OSBPL3: variants seen among roughly 807,000 people sequenced by gnomAD.
OSBPL3 encodes oxysterol-binding protein-related protein 3.
OSBPL3 carries 65 observed loss-of-function variants against 120.1 expected under a neutral mutation model. The ratio of observed to expected loss-of-function variants is 0.54; its 90% CI spans 0.44 to 0.67. The LOEUF (loss-of-function observed/expected upper bound fraction) is 0.67. Among genes scored for constraint, OSBPL3 ranks in the 30% least tolerant of loss-of-function variants. The pLI, the probability that OSBPL3 is intolerant of heterozygous loss-of-function variation, is 0.00. For synonymous variants in OSBPL3, 416 were observed against 402.6 expected (o/e 1.03, Z -0.40); for missense variants, 1,004 against 1,082.1 (o/e 0.93, Z 1.01).
chr7:24,848,720 C>T (rs184299988), intron 12 of OSBPL3, among the ~76,000 whole-genome samples: 22 of 152,014 alleles, frequency 1.4e-4, no homozygotes, highest in East Asian at 3.9e-4. Context: ...GTCAGAGAAA[C>T]GTAGGTTTCT....
Position 24,894,048 on chromosome 7 carries a change from A to G in OSBPL3, c.-149-1427T>C, listed in dbSNP as rs1420843308. On this transcript the variant is annotated intron_variant, in intron 1 of 22. Coordinates refer to ENST00000313367, the MANE Select transcript of OSBPL3 (RefSeq NM_015550.4). This position sits in a 1 kb window ranked among gnomAD's most constrained non-coding sequence, Gnocchi z 4.1. ...ATGTTCACATAGTCTAATTATAAAA[A>G]GAAGAGTATCATATATTTGTCTAGG... is the stretch of plus-strand genomic sequence containing the variant. Among the ~76,000 whole-genome samples, 1 of 152,204 alleles carries G rather than the reference A, an allele frequency of 6.6e-6. No homozygotes were observed. Among genetic ancestry groups the G allele is most frequent in the Non-Finnish European group, 1.5e-5 (1 of 68,046 alleles).
chr7:24,893,845 C>G (rs1805729144), intron 1 of OSBPL3, among the ~76,000 whole-genome samples: 1 of 152,150 alleles, frequency 6.6e-6, no homozygotes, highest in South Asian at 2.1e-4. Context: ...CCTAGAATCA[C>G]TGGCTTCTCC....
Position 24,918,102 on chromosome 7 carries a change from T to A in OSBPL3, c.-149-25481A>T. Reference sequence around the variant, plus strand: ...TAATGACAAGCACAGGTGCTGTTTCTCAGTGTGTATCAGGCTCACAGCAGC... The same window carrying A: ...TAATGACAAGCACAGGTGCTGTTTCACAGTGTGTATCAGGCTCACAGCAGC... On this transcript the variant is annotated intron_variant, in intron 1 of 22. Transcript: ENST00000313367. The surrounding 1 kb of genome is among the most constrained non-coding windows in gnomAD (Gnocchi z 4.3). The A allele has an allele frequency of 1.0e-6, 1 of 984,084 alleles. No individual in the cohort carries two copies. The highest frequency in any genetic ancestry group is 1.2e-6 in the Non-Finnish European group (1 of 828,710). 61.0% of individuals were successfully genotyped at this position (984,084 alleles called of 1,614,324 possible). A position where few individuals can be genotyped will look rare whatever the true frequency, so the allele number is the denominator to read the frequency against.
At chr7:24,950,059 A>G (rs1563003110) in intron 1 of OSBPL3, among the ~76,000 whole-genome samples, 1 of 152,248 alleles carries the variant, frequency 6.6e-6, no homozygotes, top group Non-Finnish European at 1.5e-5. Flanking sequence ...AAATGCTATT[A>G]TAAATGATTA....
At chr7:24,949,337 G>C (rs1814111308) in intron 1 of OSBPL3, among the ~76,000 whole-genome samples, 1 of 152,066 alleles carries the variant, frequency 6.6e-6, no homozygotes, top group Non-Finnish European at 1.5e-5. Context: ...TCTGACATTG[G>C]GTGTGTCTCA....
intron 1 of OSBPL3, among the ~76,000 whole-genome samples, chr7:24,901,307 G>A (rs1334862289): frequency 6.6e-6 from 1 of 151,316 alleles, no homozygotes; most frequent in Non-Finnish European, 1.5e-5. Flanking sequence ...AGCCCAGATG[G>A]CGCCACTGTA....
rs549345272 is a variant in OSBPL3, at chr7:24,968,969, A to G, written c.-150+10917T>C. 6.6e-5 allele frequency among the ~76,000 whole-genome samples: 10 copies of G among 152,322 alleles called. No homozygotes were observed. The East Asian group carries it at 1.7e-3, about 26-fold the overall frequency. The stretch of plus-strand genomic sequence containing the variant: ...CAAATACTCCAAGAAACAATTTTGC[A>G]TATATATCATTTTGTGAATTTTGCA... On this transcript the variant is annotated intron_variant, in intron 1 of 22. Transcript: ENST00000313367. The surrounding 1 kb of genome is among the most constrained non-coding windows in gnomAD (Gnocchi z 4.6).
chr7:24,920,425 G>T (rs1810257269), intron 1 of OSBPL3, among the ~76,000 whole-genome samples: 1 of 152,120 alleles, frequency 6.6e-6, no homozygotes, highest in Non-Finnish European at 1.5e-5. Context: ...TATATAAAAT[G>T]TCCAGAATAA....
At position 24,898,240 on chromosome 7, in the gene OSBPL3, C is replaced by A. The variant is rs925708261; in HGVS notation, c.-149-5619G>T. Among the ~76,000 whole-genome samples the A allele has an allele frequency of 7.9e-5, 12 of 152,210 alleles. No individual in the cohort carries two copies. Among genetic ancestry groups the A allele is most frequent in the Non-Finnish European group, 1.6e-4 (11 of 68,034 alleles). ...AGTTTCTGGAAGCAGGTTCTAATCA[C>A]AACTTCAGATACCGATCGGTGATCC... On this transcript the variant is annotated intron_variant, in intron 1 of 22. Coordinates refer to ENST00000313367, the MANE Select transcript of OSBPL3 (RefSeq NM_015550.4). This position sits in a 1 kb window ranked among gnomAD's most constrained non-coding sequence, Gnocchi z 4.3.
chr7:24,923,889 C>G (rs748296647), intron 1 of OSBPL3, among the ~76,000 whole-genome samples: 1 of 152,182 alleles, frequency 6.6e-6, no homozygotes, highest in Non-Finnish European at 1.5e-5. Context: ...CCCTCTCTTA[C>G]CTGATCCAGT....
Position 24,936,708 on chromosome 7 carries a change from G to A in OSBPL3, c.-150+43178C>T, listed in dbSNP as rs1456283327. On this transcript the variant is annotated intron_variant, in intron 1 of 22. Transcript: ENST00000313367. This position sits in a 1 kb window ranked among gnomAD's most constrained non-coding sequence, Gnocchi z 4.2. ...TGAGGGCCTGCTGGAGAACAGGTAT[G>A]TAGAAGTTAGGGAAGATGTGAAGGG... 6.6e-6 allele frequency among the ~76,000 whole-genome samples: 1 copy of A among 152,198 alleles called. No homozygotes were observed. Among genetic ancestry groups the A allele is most frequent in the Non-Finnish European group, 1.5e-5 (1 of 68,032 alleles).
Position 24,872,740 on chromosome 7 carries a change from CA to C in OSBPL3, c.97-672del, listed in dbSNP as rs1464306407. Among the ~76,000 whole-genome samples the C allele has an allele frequency of 6.6e-6, 1 of 152,044 alleles. No individual in the cohort carries two copies. Among genetic ancestry groups the C allele is most frequent in the Admixed American group, 6.6e-5 (1 of 15,246 alleles). ...CTTTTCTTTCTTTGGCCAATTATTA[CA>C]AATAGTTGTTACAACTAATCTTCCA... On this transcript the variant is annotated intron_variant, in intron 2 of 22. Coordinates refer to ENST00000313367, the MANE Select transcript of OSBPL3 (RefSeq NM_015550.4). The surrounding 1 kb of genome is among the most constrained non-coding windows in gnomAD (Gnocchi z 4.1).
At chr7:24,901,995 G>A (rs889335831) in intron 1 of OSBPL3, among the ~76,000 whole-genome samples, 8 of 152,154 alleles carry the variant, frequency 5.3e-5, no homozygotes, top group African/African-American at 1.9e-4. Context: ...TAAAAGCTGT[G>A]GACTCAAACT....
At chr7:24,905,374 C>G (rs536980309) in intron 1 of OSBPL3, among the ~76,000 whole-genome samples, 9 of 152,196 alleles carry the variant, frequency 5.9e-5, no homozygotes, top group South Asian at 2.1e-4. Flanking sequence ...GATGAGGGGA[C>G]TGAATGACTT....
chr7:24,979,907 A>G lies in OSBPL3; in HGVS notation c.-171T>C. 1 of 963,098 alleles carries G rather than the reference A, an allele frequency of 1.0e-6. No homozygotes were observed. The highest frequency in any genetic ancestry group is 4.9e-5 in the South Asian group (1 of 20,582). The allele number at this position is 963,098 out of a possible 1,614,324, so 59.7% of individuals were successfully genotyped here. On this transcript the variant is annotated 5_prime_UTR_variant, in exon 1 of 23. Coordinates refer to ENST00000313367, the MANE Select transcript of OSBPL3 (RefSeq NM_015550.4). ...TCACCTGAGCGCTGTGCAGCCGGAG[A>G]CGCTCCCTAGTTCCCCGGGGCCGGG...
Position 24,813,995 on chromosome 7 carries a change from C to A in OSBPL3, c.2172+1064G>T, listed in dbSNP as rs752891972. On this transcript the variant is annotated intron_variant, in intron 19 of 22. Transcript: ENST00000313367. This position sits in a 1 kb window ranked among gnomAD's most constrained non-coding sequence, Gnocchi z 4.5. ...GGGCTACAGAAGTGAGCAAGATAGA[C>A]TAGGTTTTGCTTTTCTGGAGTCAAG... Among the ~76,000 whole-genome samples, 13 of 152,112 alleles carry A rather than the reference C, an allele frequency of 8.5e-5. No individual in the cohort carries two copies. Among genetic ancestry groups the A allele is most frequent in the Non-Finnish European group, 1.9e-4 (13 of 68,034 alleles).
chr7:24,922,684 C>G lies in OSBPL3; in HGVS notation c.-149-30063G>C. Reference sequence around the variant, plus strand: ...GCTCTGCCCTGGTCCTCAGTCTGACCTCATTCTAGCCTGACCACCTGCTTC... The same window carrying G: ...GCTCTGCCCTGGTCCTCAGTCTGACGTCATTCTAGCCTGACCACCTGCTTC... On this transcript the variant is annotated intron_variant, in intron 1 of 22. Coordinates refer to ENST00000313367, the MANE Select transcript of OSBPL3 (RefSeq NM_015550.4). This position sits in a 1 kb window ranked among gnomAD's most constrained non-coding sequence, Gnocchi z 4.3. 6.6e-6 allele frequency among the ~76,000 whole-genome samples: 1 copy of G among 152,172 alleles called. No homozygotes were observed. Among genetic ancestry groups the G allele is most frequent in the East Asian group, 1.9e-4 (1 of 5,198 alleles).
rs1197206295 is a variant in OSBPL3 at position 24,805,650 on chromosome 7, C to G, written c.2444+1126G>C. ...AAGCATAATGTGCATAGCAAGATAG[C>G]TTGAAGCATTCTATGTATGGCTTTC... On this transcript the variant is annotated intron_variant, in intron 21 of 22. Transcript: ENST00000313367. This position sits in a 1 kb window ranked among gnomAD's most constrained non-coding sequence, Gnocchi z 4.0. Among the ~76,000 whole-genome samples, 1 of 152,098 alleles carries G rather than the reference C, an allele frequency of 6.6e-6. No individual in the cohort carries two copies.
rs1800708415 is a variant in OSBPL3 at position 24,862,501 on chromosome 7, AT to A, written c.870+698del. Among the ~76,000 whole-genome samples, 4 of 152,352 alleles carry A rather than the reference AT, an allele frequency of 2.6e-5. No homozygotes were observed. The highest frequency in any genetic ancestry group is 2.6e-4 in the Admixed American group (4 of 15,304). On this transcript the variant is annotated intron_variant, in intron 9 of 22. Transcript: ENST00000313367. This position sits in a 1 kb window ranked among gnomAD's most constrained non-coding sequence, Gnocchi z 4.4. ...AATGACCTTCATTTGTACATGGAAC[AT>A]TCTTTACTTCCAAAGTGCTTATCTT...
Sources: allele counts gnomAD v4.1 joint callset (sites outside exome capture counted in the v4.1 genomes callset), GRCh38; gene constraint gnomAD v4.1.1; non-coding constraint Gnocchi (gnomAD v3.1); transcripts MANE v1.5; gene names NCBI Gene and HGNC (gene_info 2026-07-23, HGNC 2026-07-21).